The following FALEC variants were observed in gnomAD, a reference collection of about 807,000 sequenced individuals.
The protein encoded by FALEC is focally amplified lncRNA regulator of ECM1.
the FALEC span, among the ~76,000 whole-genome samples, chr1:150,529,491 C>T: frequency 6.6e-6 from 1 of 152,234 alleles, no homozygotes; most frequent in African/African-American, 2.4e-5. Context: ...AAAGGCTTGC[C>T]CTTTGGCCCT....
the FALEC span, among the ~76,000 whole-genome samples, chr1:150,533,515 A>G: frequency 2.1e-5 from 3 of 140,492 alleles, no homozygotes; most frequent in Non-Finnish European, 4.5e-5. Flanking sequence ...TGCTCACTGC[A>G]ACCTCCGCCT....
the FALEC span, among the ~76,000 whole-genome samples, chr1:150,527,096 C>T: frequency 6.6e-6 from 1 of 151,156 alleles, no homozygotes; most frequent in African/African-American, 2.4e-5. Flanking sequence ...CCCACCACCA[C>T]ACCCAGCTAA....
At chr1:150,525,093 G>A in the FALEC span, among the ~76,000 whole-genome samples, 7 of 151,522 alleles carry the variant, frequency 4.6e-5, no homozygotes, top group East Asian at 3.9e-4. Context: ...TCAGGAGTTC[G>A]AGACCAGCCT....
the FALEC span, among the ~76,000 whole-genome samples, chr1:150,526,886 G>A: frequency 7.2e-3 from 1,091 of 151,042 alleles, 11 homozygotes; most frequent in African/African-American, 0.025. Flanking sequence ...CACCAGCCTC[G>A]GCCTCCCAAA....
chr1:150,521,691 A>G (rs1670644678), downstream of FALEC, among the ~76,000 whole-genome samples: 3 of 152,278 alleles, frequency 2.0e-5, no homozygotes, highest in South Asian at 6.2e-4. Flanking sequence ...TGTTGAAAAG[A>G]CTGTTATGAC....
the FALEC span, among the ~76,000 whole-genome samples, chr1:150,529,033 A>AAAAAAG: frequency 6.6e-6 from 1 of 151,282 alleles, no homozygotes; most frequent in Admixed American, 6.6e-5. Context: ...AAAAAAAAAA[A>AAAAAAG]AAAAAATCAA....
chr1:150,531,368 T>C, the FALEC span, among the ~76,000 whole-genome samples: 3 of 151,948 alleles, frequency 2.0e-5, no homozygotes, highest in Non-Finnish European at 1.5e-5. Context: ...CCAGCTACTC[T>C]GGAGGCTGAG....
downstream of FALEC, among the ~76,000 whole-genome samples, chr1:150,520,315 C>G (rs1350571556): frequency 6.6e-6 from 1 of 152,128 alleles, no homozygotes; most frequent in East Asian, 1.9e-4. Context: ...AACCATTAAG[C>G]AATAACTGGC....
chr1:150,518,961 C>T (rs1313234097), downstream of FALEC, among the ~76,000 whole-genome samples: 1 of 151,996 alleles, frequency 6.6e-6, no homozygotes, highest in Non-Finnish European at 1.5e-5. Context: ...GAGGCTGAGG[C>T]AGGAGAATCA....
downstream of FALEC, among the ~76,000 whole-genome samples, chr1:150,522,967 A>ATTTT (rs1435955699): frequency 5.6e-5 from 2 of 35,824 alleles, no homozygotes; most frequent in South Asian, 7.4e-4. Flanking sequence ...ATATATATAT[A>ATTTT]TATATATATA....
chr1:150,533,937 G>A, the FALEC span, among the ~76,000 whole-genome samples: 8 of 152,222 alleles, frequency 5.3e-5, no homozygotes, highest in South Asian at 2.1e-4. Context: ...GAGACGTGTC[G>A]TGGATCCTGT....
chr1:150,519,350 G>A (rs140984029), downstream of FALEC, among the ~76,000 whole-genome samples: 160 of 152,268 alleles, frequency 1.1e-3, no homozygotes, highest in African/African-American at 3.7e-3. Context: ...GATATAATTC[G>A]CATACCATTA....
chr1:150,534,614 T>C, the FALEC span, among the ~76,000 whole-genome samples: 11 of 151,960 alleles, frequency 7.2e-5, no homozygotes, highest in South Asian at 4.1e-4. Flanking sequence ...GAGGCCAAGG[T>C]GGGCGGATCA....
At chr1:150,535,358 C>T in the FALEC span, among the ~76,000 whole-genome samples, 1 of 152,306 alleles carries the variant, frequency 6.6e-6, no homozygotes, top group South Asian at 2.1e-4. Flanking sequence ...ATTCTCCTGC[C>T]TCAGCCTCCC....
At chr1:150,535,890 G>A in the FALEC span, among the ~76,000 whole-genome samples, 1 of 152,236 alleles carries the variant, frequency 6.6e-6, no homozygotes, top group Non-Finnish European at 1.5e-5. Flanking sequence ...GGGGCTTAGA[G>A]CACATAGCAA....
the FALEC span, among the ~76,000 whole-genome samples, chr1:150,523,255 A>G: frequency 6.7e-6 from 1 of 148,958 alleles, no homozygotes; most frequent in African/African-American, 2.5e-5. Context: ...AGCCTCCCAA[A>G]GTGCTGGGAT....
At chr1:150,525,897 C>T in the FALEC span, among the ~76,000 whole-genome samples, 3 of 152,168 alleles carry the variant, frequency 2.0e-5, no homozygotes, top group Non-Finnish European at 2.9e-5. Context: ...CCATTTCGGC[C>T]TCCCAAAGTG....
At chr1:150,516,226 CGA>C (rs1214511827) in intron 1 of FALEC, among the ~76,000 whole-genome samples, 1 of 150,048 alleles carries the variant, frequency 6.7e-6, no homozygotes, top group Non-Finnish European at 1.5e-5. Context: ...CCAGCCTGGG[CGA>C]GAGAGGAGAC....
downstream of FALEC, among the ~76,000 whole-genome samples, chr1:150,522,966 TATATATATA>T (rs1294258479): frequency 3.4e-4 from 15 of 43,622 alleles, 1 homozygote; most frequent in African/African-American, 1.6e-3. Context: ...TATATATATA[TATATATATA>T]TATATATATT....
Sources: gnomAD v4.1 joint callset for allele counts (sites outside exome capture counted in the v4.1 genomes callset) on GRCh38, gnomAD v4.1.1 for gene constraint, MANE v1.5 for transcripts, NCBI Gene and HGNC (gene_info 2026-07-23, HGNC 2026-07-21) for gene names.